ABCA10: variants seen among roughly 807,000 people sequenced by gnomAD.
ABCA10 encodes the protein ATP-binding cassette sub-family A member 10.
A neutral mutation model predicts 187.5 loss-of-function variants in ABCA10; 169 were observed. The ratio of observed to expected loss-of-function variants is 0.90; its 90% CI spans 0.80 to 1.02. The LOEUF (loss-of-function observed/expected upper bound fraction) is 1.02, where lower values mean the gene tolerates loss of function less well. ABCA10 is among the 50% of genes least tolerant of loss of function. ABCA10 has a pLI of 0.00. For missense variants in ABCA10, 1,727 were observed against 1,812.4 expected, an observed-to-expected ratio of 0.95 and a Z score of 0.86; for synonymous variants, 574 against 601.8, an observed-to-expected ratio of 0.95 and a Z score of 0.68.
At chr17:69,160,440 C>T (rs2074207453) in intron 27 of ABCA10, among the ~76,000 whole-genome samples, 2 of 152,082 alleles carry the variant, frequency 1.3e-5, no homozygotes, top group African/African-American at 4.8e-5. Flanking sequence ...AACCCCCTCT[C>T]TACTAAAAAT....
upstream of ABCA10, among the ~76,000 whole-genome samples, chr17:69,232,400 G>T (rs2074837962): frequency 6.6e-6 from 1 of 151,424 alleles, no homozygotes; most frequent in African/African-American, 2.4e-5. Flanking sequence ...ATCTATTATA[G>T]GTTTTTGCTT....
At position 69,191,055 on chromosome 17, in the gene ABCA10, C is replaced by T. The variant is rs536910819; in HGVS notation, c.2011+121G>A. ...TCATATTGGAAATAGGAACAGATTA[C>T]TTATGAATAAATATTTTCATTTGTA... On this transcript the variant is annotated intron_variant, in intron 17 of 38. Coordinates refer to ENST00000690296, the MANE Select transcript of ABCA10 (RefSeq NM_001377321.1). The T allele has an allele frequency of 9.9e-6, 10 of 1,011,696 alleles. No individual in the cohort carries two copies. The South Asian group carries it at 3.4e-4, about 34-fold the overall frequency. 62.7% of individuals were successfully genotyped at this position (1,011,696 alleles called of 1,614,324 possible).
intron 19 of ABCA10, among the ~76,000 whole-genome samples, chr17:69,186,401 T>C (rs756829701): frequency 6.6e-6 from 1 of 152,212 alleles, no homozygotes; most frequent in Non-Finnish European, 1.5e-5. Flanking sequence ...AAGTAGATAA[T>C]AGATCTTTGC....
chr17:69,201,667 A>C lies in ABCA10; in HGVS notation c.1008T>G (p.Asp336Glu), dbSNP rs2074546419. Residue 336 changes from aspartate to glutamate, a missense_variant and splice_region_variant, in exon 10 of 39, where the codon GAT (aspartate) becomes GAG (glutamate). Transcript: ENST00000690296. ...FTLYFERVLP[D>E]KDGHGDSPLF... ...ATGGAGAATCCCCATGGCCATCTTT[A>C]TCTAATTAATTAAGATACAATTACA... 2 of 1,595,266 alleles carry C rather than the reference A, an allele frequency of 1.3e-6. No homozygotes were observed. The highest frequency in any genetic ancestry group is 1.7e-6 in the Non-Finnish European group (2 of 1,172,250).
intron 9 of ABCA10, among the ~76,000 whole-genome samples, chr17:69,213,731 C>G (rs2144836364): frequency 1.3e-5 from 2 of 152,322 alleles, no homozygotes; most frequent in Admixed American, 1.3e-4. Flanking sequence ...TGCTTCTGCG[C>G]TAGTACCTAC....
intron 9 of ABCA10, among the ~76,000 whole-genome samples, chr17:69,213,631 T>C (rs2074677707): frequency 6.6e-6 from 1 of 152,170 alleles, no homozygotes; most frequent in Non-Finnish European, 1.5e-5. Flanking sequence ...GCTGAGATCT[T>C]GCCCCAGGCT....
rs1418849057 is a variant in ABCA10, at chr17:69,191,331, A to G, written c.1872-16T>C. The G allele has an allele frequency of 6.6e-7, 1 of 1,522,590 alleles. No individual in the cohort carries two copies. The highest frequency in any genetic ancestry group is 8.9e-7 in the Non-Finnish European group (1 of 1,129,414). 94.3% of individuals were successfully genotyped at this position (1,522,590 alleles called of 1,614,324 possible). On this transcript the variant is annotated splice_polypyrimidine_tract_variant and intron_variant, in intron 16 of 38. Transcript: ENST00000690296. The stretch of plus-strand genomic sequence containing the variant: ...CCTGTGTAAACTATTATTTCAAAAG[A>G]GCCATAAGTCTCTTGAATTCTTTTC...
At chr17:69,208,417 C>CAAAAAA (rs67858017) in intron 9 of ABCA10, among the ~76,000 whole-genome samples, 34 of 89,404 alleles carry the variant, frequency 3.8e-4, no homozygotes, top group African/African-American at 1.4e-3. Context: ...GACTCTGTCT[C>CAAAAAA]AAAAAAAAAA....
chr17:69,219,325 G>A (rs747186056), intron 6 of ABCA10, among the ~76,000 whole-genome samples: 3 of 152,048 alleles, frequency 2.0e-5, no homozygotes, highest in East Asian at 1.9e-4. Flanking sequence ...GGCATTTTTC[G>A]GGCAATATGT....
rs547832219 is a variant in ABCA10 at position 69,155,255 on chromosome 17, C to T, written c.3577-119G>A. ...CTAAATTTAATGCCAGGCTGAAGAG[C>T]TTTAGCCTCTTTTTTCAAATAAAAT... is the stretch of plus-strand genomic sequence containing the variant. On this transcript the variant is annotated intron_variant, in intron 29 of 38. Transcript: ENST00000690296. The T allele has an allele frequency of 1.6e-5, 11 of 692,290 alleles. No individual in the cohort carries two copies. The African/African-American group carries it at 2.0e-4, about 13-fold the overall frequency. The allele number at this position is 692,290 out of a possible 1,614,324, so 42.9% of individuals were successfully genotyped here.
intron 11 of ABCA10, among the ~76,000 whole-genome samples, 159 bp downstream of exon 11, chr17:69,196,905 C>G (rs1242097291): frequency 6.6e-6 from 1 of 151,494 alleles, no homozygotes; most frequent in African/African-American, 2.4e-5. Flanking sequence ...CCCAGGCACT[C>G]GGCAGGCACT....
rs775573285 is a variant in ABCA10, at chr17:69,149,045, A to T, written c.4521T>A (p.Ala1507=). The T allele has an allele frequency of 3.1e-6, 5 of 1,612,506 alleles. No homozygotes were observed. Among genetic ancestry groups the T allele is most frequent in the Non-Finnish European group, 4.2e-6 (5 of 1,179,662 alleles). Residue 1507 remains alanine (A), a synonymous_variant, in exon 38 of 39, where the codon GCT becomes GCA. Transcript: ENST00000690296. ...AATGAAAACCCACCTGCTCCAAGGTAGCCTGAGAGAGGCTGTATTCCTCCA... is the reference window on the plus strand; with the variant it reads ...AATGAAAACCCACCTGCTCCAAGGTTGCCTGAGAGAGGCTGTATTCCTCCA... ...FNLEEYSLSQ[A]TLEQVFLELC... is the part of the protein sequence containing the mutation.
intron 6 of ABCA10, among the ~76,000 whole-genome samples, chr17:69,217,821 A>C (rs72853630): frequency 0.1 from 15,791 of 152,242 alleles, 1,049 homozygotes; most frequent in Middle Eastern, 0.16. Flanking sequence ...TCACAAAGCT[A>C]TATATTTTTA....
chr17:69,153,724 G>A (rs192964819), intron 32 of ABCA10, 107 bp downstream of exon 32: 1 of 1,456,736 alleles, frequency 6.9e-7, no homozygotes, highest in Non-Finnish European at 9.2e-7. Context: ...CATTTTATTT[G>A]CATGAAAATT....
intron 22 of ABCA10, among the ~76,000 whole-genome samples, chr17:69,180,497 A>AT (rs887002155): frequency 6.6e-6 from 1 of 152,188 alleles, no homozygotes; most frequent in African/African-American, 2.4e-5. Flanking sequence ...TAGGAGATTG[A>AT]TTAAAAAAAA....
intron 27 of ABCA10, among the ~76,000 whole-genome samples, chr17:69,163,366 C>T (rs963333887): frequency 6.6e-6 from 1 of 152,088 alleles, no homozygotes; most frequent in Non-Finnish European, 1.5e-5. Flanking sequence ...GGTTTGTTTG[C>T]TGTGTCAGAG....
intron 9 of ABCA10, among the ~76,000 whole-genome samples, chr17:69,201,925 G>C (rs1189197418): frequency 6.6e-6 from 1 of 152,086 alleles, no homozygotes; most frequent in Admixed American, 6.6e-5. Context: ...AGCTATTACA[G>C]GCACCTGCCA....
At position 69,216,330 on chromosome 17, in the gene ABCA10, A is replaced by C. The variant is rs1598121678; in HGVS notation, c.559T>G (p.Phe187Val). The C allele has an allele frequency of 1.2e-6, 2 of 1,613,192 alleles. No homozygotes were observed. Among genetic ancestry groups the C allele is most frequent in the Non-Finnish European group, 1.7e-6 (2 of 1,179,610 alleles). ...WLSWGLTYIC[F>V]IFIMSIFMAL... ...ATAAAAATGGACATAATGAAGATGAAGCAAATGTATGTCAATCCCCAGGAG... is the reference window on the plus strand; with the variant it reads ...ATAAAAATGGACATAATGAAGATGACGCAAATGTATGTCAATCCCCAGGAG... The change falls in exon 7 of 39, where the codon TTC becomes GTC. Residue 187 changes from phenylalanine (F) to valine (V), a missense_variant. Phe to Val is a conservative substitution (Grantham distance 50). Coordinates refer to ENST00000690296, the MANE Select transcript of ABCA10 (RefSeq NM_001377321.1).
intron 11 of ABCA10, among the ~76,000 whole-genome samples, chr17:69,195,200 TTAGA>T (rs1317239447): frequency 1.7e-4 from 26 of 152,236 alleles, no homozygotes; most frequent in African/African-American, 6.0e-4. Flanking sequence ...ACAGAGGGAA[TTAGA>T]TTGTCAGAGC....
Sources: allele counts gnomAD v4.1 joint callset (sites outside exome capture counted in the v4.1 genomes callset), GRCh38; gene constraint gnomAD v4.1.1; transcripts MANE v1.5; gene names NCBI Gene and HGNC (gene_info 2026-07-23, HGNC 2026-07-21).